Variants in UBE2R2 observed in about 807,000 individuals in gnomAD.
UBE2R2 encodes the protein ubiquitin conjugating enzyme E2 R2, also known as ubiquitin-conjugating enzyme E2 R2.
In UBE2R2, 1 loss-of-function variant was observed where a neutral mutation model predicts 27.8. That is an observed-to-expected ratio of 0.04 (90% CI 0.01 to 0.17). UBE2R2 has a LOEUF of 0.17. Ranked by LOEUF, UBE2R2 falls within the 10% of genes least tolerant of loss-of-function variation. UBE2R2 has a pLI of 1.00. For synonymous variants in UBE2R2, 106 were observed against 113.3 expected (o/e 0.94, Z 0.41); for missense variants, 100 against 291.0 (o/e 0.34, Z 4.78).
At chr9:33,877,823 G>GTCTGTCTGTCTGTCTCTCTTTC in intron 1 of UBE2R2, among the ~76,000 whole-genome samples, 9 of 131,102 alleles carry the variant, frequency 6.9e-5, no homozygotes, top group South Asian at 2.6e-4. Flanking sequence ...CTGTCTGTCT[G>GTCTGTCTGTCTGTCTCTCTTTC]TCTCTCTCTC....
chr9:33,860,152 C>T (rs920460108), intron 1 of UBE2R2, among the ~76,000 whole-genome samples: 4 of 151,306 alleles, frequency 2.6e-5, no homozygotes, highest in African/African-American at 9.7e-5. Context: ...GCACGTTTCT[C>T]AAGTAATTAT....
chr9:33,903,099 CAAA>C (rs760691175), intron 3 of UBE2R2, among the ~76,000 whole-genome samples: 2 of 133,462 alleles, frequency 1.5e-5, no homozygotes. Context: ...AACGCTGTCT[CAAA>C]AAAAAAAAAA....
chr9:33,916,907 C>A, intron 4 of UBE2R2, 111 bp from the exon 5 acceptor site: 2 of 1,467,698 alleles, frequency 1.4e-6, no homozygotes, highest in Admixed American at 2.3e-5. Context: ...CAGGCAGGTA[C>A]TGAAGTTTGG....
intron 3 of UBE2R2, among the ~76,000 whole-genome samples, chr9:33,901,612 A>G (rs1197338472): frequency 6.6e-6 from 1 of 152,192 alleles, no homozygotes; most frequent in Admixed American, 6.5e-5. Flanking sequence ...TAATAACTTG[A>G]TTAGAATCTC....
At chr9:33,894,230 G>C (rs1427750395) in intron 2 of UBE2R2, among the ~76,000 whole-genome samples, 1 of 151,888 alleles carries the variant, frequency 6.6e-6, no homozygotes. Flanking sequence ...CTAGGAGTTT[G>C]AGACCAGCCT....
intron 1 of UBE2R2, among the ~76,000 whole-genome samples, chr9:33,820,175 A>G (rs1441566026): frequency 6.6e-6 from 1 of 152,260 alleles, no homozygotes; most frequent in African/African-American, 2.4e-5. Flanking sequence ...ATATTTGTGC[A>G]TAAGTCTGGG....
At chr9:33,882,326 G>A (rs139873043) in intron 1 of UBE2R2, among the ~76,000 whole-genome samples, 11,998 of 151,996 alleles carry the variant, frequency 0.079, 684 homozygotes, top group Non-Finnish European at 0.12. Flanking sequence ...TCATTCTGTC[G>A]CCCAGGCTGG....
chr9:33,818,070 C>T, intron 1 of UBE2R2, 136 bp downstream of exon 1: 2 of 1,038,216 alleles, frequency 1.9e-6, no homozygotes, highest in Admixed American at 7.4e-5. Flanking sequence ...GCCCCCTCCC[C>T]CATCCCTGGA....
rs1246321391 is a variant in UBE2R2, at chr9:33,920,391, A to G, written c.*3154A>G. On this transcript the variant is annotated 3_prime_UTR_variant, in exon 5 of 5. Coordinates refer to ENST00000263228, the MANE Select transcript of UBE2R2 (RefSeq NM_017811.4). ...TGTGAAATAAAATACCTGTATTGCT[A>G]CTTCCCCATGAAATGACCCTCTTCT... The G allele has an allele frequency of 6.6e-6, 1 of 152,188 alleles. No individual in the cohort carries two copies. The highest frequency in any genetic ancestry group is 1.5e-5 in the Non-Finnish European group (1 of 68,036). The allele number at this position is 152,188 out of a possible 1,614,324, so 9.4% of individuals were successfully genotyped here.
intron 1 of UBE2R2, among the ~76,000 whole-genome samples, chr9:33,839,889 G>A (rs1820695173): frequency 6.6e-6 from 1 of 152,062 alleles, no homozygotes; most frequent in Admixed American, 6.6e-5. Context: ...TTAGCTACTT[G>A]GGAGGCTGAG....
At chr9:33,914,737 G>A (rs368097880) in intron 4 of UBE2R2, among the ~76,000 whole-genome samples, 1 of 151,710 alleles carries the variant, frequency 6.6e-6, no homozygotes, top group Non-Finnish European at 1.5e-5. Flanking sequence ...CTGAAGGCAA[G>A]AGAATTGCTT....
At chr9:33,879,331 C>T (rs1168225290) in intron 1 of UBE2R2, among the ~76,000 whole-genome samples, 1 of 152,174 alleles carries the variant, frequency 6.6e-6, no homozygotes, top group African/African-American at 2.4e-5. Flanking sequence ...ATAGTCCTGG[C>T]TTCTTGAGTC....
chr9:33,842,778 C>T (rs754708743), intron 1 of UBE2R2, among the ~76,000 whole-genome samples: 1 of 152,024 alleles, frequency 6.6e-6, no homozygotes, highest in Non-Finnish European at 1.5e-5. Flanking sequence ...TACGTGGAAG[C>T]GCTACAATTG....
chr9:33,886,412 T>G (rs532995082), intron 1 of UBE2R2, among the ~76,000 whole-genome samples: 2 of 152,090 alleles, frequency 1.3e-5, no homozygotes, highest in Non-Finnish European at 2.9e-5. Flanking sequence ...ATCCCAGCAC[T>G]TTGGGAGGCC....
intron 4 of UBE2R2, among the ~76,000 whole-genome samples, chr9:33,913,045 C>CT (rs1291978048): frequency 6.6e-6 from 1 of 151,768 alleles, no homozygotes; most frequent in East Asian, 1.9e-4. Context: ...ACTGCAGCCT[C>CT]TATCTCCTGG....
chr9:33,863,205 G>A (rs1320702049), intron 1 of UBE2R2, among the ~76,000 whole-genome samples: 1 of 127,990 alleles, frequency 7.8e-6, no homozygotes, highest in Non-Finnish European at 1.7e-5. Context: ...AAAAAAAAAA[G>A]AAGAAGAAAA....
At chr9:33,846,045 G>A (rs1820838829) in intron 1 of UBE2R2, among the ~76,000 whole-genome samples, 1 of 151,160 alleles carries the variant, frequency 6.6e-6, no homozygotes, top group Admixed American at 6.6e-5. Flanking sequence ...AAAATGGCGT[G>A]AACTCGGGAG....
intron 3 of UBE2R2, among the ~76,000 whole-genome samples, chr9:33,903,283 G>A (rs1285379353): frequency 6.6e-6 from 1 of 152,144 alleles, no homozygotes; most frequent in Non-Finnish European, 1.5e-5. Context: ...AAAATCCCCA[G>A]TTGTACTTTA....
At chr9:33,868,979 G>GT (rs34943445) in intron 1 of UBE2R2, among the ~76,000 whole-genome samples, 2 of 152,232 alleles carry the variant, frequency 1.3e-5, no homozygotes, top group Middle Eastern at 3.4e-3. Flanking sequence ...ATATGTAATT[G>GT]TTTTTTGGCC....
Sources: allele counts gnomAD v4.1 joint callset (sites outside exome capture counted in the v4.1 genomes callset), GRCh38; gene constraint gnomAD v4.1.1; transcripts MANE v1.5; gene names NCBI Gene and HGNC (gene_info 2026-07-23, HGNC 2026-07-21).